KLF8: variants seen among roughly 807,000 people sequenced by gnomAD.
KLF8 encodes the protein KLF transcription factor 8.
KLF8 carries 10 observed loss-of-function variants against 18.2 expected under a neutral mutation model. The ratio of observed to expected loss-of-function variants is 0.55; its 90% confidence interval spans 0.34 to 0.93. KLF8 has a LOEUF of 0.93. KLF8 is among the 40% of genes least tolerant of loss of function. The pLI is 0.02. For synonymous variants in KLF8, 109 were observed against 97.3 expected (o/e 1.12, Z -0.71); for missense variants, 264 against 277.9 (o/e 0.95, Z 0.36).
At chrX:56,181,538 C>A in the KLF8 span, among the ~76,000 whole-genome samples, 2 of 111,539 alleles carry the variant, frequency 1.8e-5, no homozygotes, top group African/African-American at 3.3e-5. Context: ...CTGATTAATT[C>A]TTGCAGTTTC....
At chrX:56,208,375 T>G in the KLF8 span, among the ~76,000 whole-genome samples, 12 of 112,173 alleles carry the variant, frequency 1.1e-4, no homozygotes, top group South Asian at 4.4e-3. Flanking sequence ...ATTTCTTTTT[T>G]TCCTCATCTG....
chrX:56,079,769 A>T, the KLF8 span, among the ~76,000 whole-genome samples: 2 of 109,137 alleles, frequency 1.8e-5, no homozygotes, highest in East Asian at 2.9e-4. Flanking sequence ...CCCATTATTA[A>T]TGTGTGGGAG....
upstream of KLF8, among the ~76,000 whole-genome samples, chrX:56,231,339 C>T (rs2066400298): frequency 8.9e-6 from 1 of 111,828 alleles, no homozygotes; most frequent in Admixed American, 9.4e-5. Context: ...TTCGAAAGTA[C>T]TGGGCTGAGG....
chrX:55,924,328 C>T, the KLF8 span, among the ~76,000 whole-genome samples: 1 of 111,868 alleles, frequency 8.9e-6, no homozygotes, highest in Admixed American at 9.5e-5. Flanking sequence ...CTGCCCGCCT[C>T]AGCCTCCAAA....
chrX:56,209,916 A>G, the KLF8 span, among the ~76,000 whole-genome samples: 1 of 111,925 alleles, frequency 8.9e-6, no homozygotes, highest in South Asian at 3.7e-4. Flanking sequence ...CATAAATAAA[A>G]CTAACAAAAA....
chrX:56,001,474 C>T, the KLF8 span, among the ~76,000 whole-genome samples: 1 of 112,025 alleles, frequency 8.9e-6, no homozygotes, highest in Non-Finnish European at 1.9e-5. Flanking sequence ...TTTATTATTT[C>T]TCCCTTTTGC....
At chrX:56,044,393 G>T in the KLF8 span, among the ~76,000 whole-genome samples, 2 of 112,313 alleles carry the variant, frequency 1.8e-5, no homozygotes, top group Non-Finnish European at 3.8e-5. Context: ...TTCAAAGCCA[G>T]CAGGCTGGAG....
chrX:56,076,638 T>A, the KLF8 span, among the ~76,000 whole-genome samples: 2 of 111,553 alleles, frequency 1.8e-5, no homozygotes, highest in African/African-American at 6.5e-5. Context: ...TGACTTATAG[T>A]CCTTCGGGTA....
At chrX:56,106,901 G>A in the KLF8 span, among the ~76,000 whole-genome samples, 13 of 112,202 alleles carry the variant, frequency 1.2e-4, no homozygotes, top group Admixed American at 1.2e-3. Context: ...GGGTTTTGGT[G>A]TAGATACCAT....
chrX:56,148,926 T>C, the KLF8 span, among the ~76,000 whole-genome samples: 400 of 112,316 alleles, frequency 3.6e-3, 1 homozygote, highest in African/African-American at 0.013. Flanking sequence ...GCTTGTGAAA[T>C]GTAAATATTG....
At chrX:56,032,433 A>G in the KLF8 span, among the ~76,000 whole-genome samples, 5 of 111,919 alleles carry the variant, frequency 4.5e-5, no homozygotes, top group Non-Finnish European at 9.4e-5. Context: ...TATAATCAAG[A>G]TAAATAATGT....
At chrX:56,197,299 C>G in the KLF8 span, among the ~76,000 whole-genome samples, 1 of 110,220 alleles carries the variant, frequency 9.1e-6, no homozygotes. Flanking sequence ...TCAATGAATC[C>G]AGGAGCTGGT....
chrX:56,038,196 A>T, the KLF8 span, among the ~76,000 whole-genome samples: 1 of 111,903 alleles, frequency 8.9e-6, no homozygotes, highest in African/African-American at 3.2e-5. Context: ...CATTGTGTAT[A>T]TTTACCAAAT....
At chrX:56,087,992 T>C in the KLF8 span, among the ~76,000 whole-genome samples, 2 of 111,127 alleles carry the variant, frequency 1.8e-5, no homozygotes, top group Non-Finnish European at 3.8e-5. Flanking sequence ...TATGAACATA[T>C]AGCTATATGA....
At position 56,233,314 on chromosome X, in the gene KLF8, C is replaced by T. The variant is rs764705539; in HGVS notation, c.-21C>T. 4 of 1,201,790 alleles carry T rather than the reference C, an allele frequency of 3.3e-6. No individual in the cohort carries two copies. The South Asian group carries it at 5.3e-5, about 16-fold the overall frequency. On this transcript the variant is annotated 5_prime_UTR_variant, in exon 1 of 6. Coordinates refer to ENST00000468660, the MANE Select transcript of KLF8 (RefSeq NM_007250.5). ...AGGACGGCATGAGTTCTGGACACTT[C>T]AGGAGTCCTCAGCTAGTGACATGGT...
chrX:56,105,282 T>C, the KLF8 span, among the ~76,000 whole-genome samples: 1 of 111,624 alleles, frequency 9.0e-6, no homozygotes, highest in East Asian at 2.8e-4. Context: ...TAACCTTCTG[T>C]CTCATTGATC....
the KLF8 span, among the ~76,000 whole-genome samples, chrX:56,020,589 C>T: frequency 6.3e-5 from 7 of 111,464 alleles, no homozygotes; most frequent in Non-Finnish European, 1.3e-4. Context: ...AAGAATGGTG[C>T]CAAGGTACCA....
At chrX:56,080,699 T>C in the KLF8 span, among the ~76,000 whole-genome samples, 8 of 111,690 alleles carry the variant, frequency 7.2e-5, no homozygotes, top group South Asian at 7.6e-4. Flanking sequence ...TTGGCCTGCC[T>C]TGCTAGATTG....
At chrX:56,166,778 G>A in the KLF8 span, among the ~76,000 whole-genome samples, 1 of 111,779 alleles carries the variant, frequency 8.9e-6, no homozygotes, top group Non-Finnish European at 1.9e-5. Context: ...AACAGCAGTA[G>A]GTGTTTCCTA....
Sources: gnomAD v4.1 joint callset for allele counts (sites outside exome capture counted in the v4.1 genomes callset) on GRCh38, gnomAD v4.1.1 for gene constraint, MANE v1.5 for transcripts, NCBI Gene and HGNC (gene_info 2026-07-23, HGNC 2026-07-21) for gene names.